The following SSH2 variants were observed in gnomAD, a reference collection of about 807,000 sequenced individuals.
SSH2 encodes the protein slingshot protein phosphatase 2, also known as protein phosphatase Slingshot homolog 2.
In SSH2, 37 loss-of-function variants were observed where a neutral mutation model predicts 135.2. That is an observed-to-expected ratio of 0.27 (90% CI 0.21 to 0.36). The LOEUF is 0.36. SSH2 is among the 10% of genes least tolerant of loss of function. SSH2 has a pLI of 1.00. For synonymous variants in SSH2, 628 were observed against 646.2 expected, an observed-to-expected ratio of 0.97 and a Z score of 0.43; for missense variants, 1,408 against 1,765.3, an observed-to-expected ratio of 0.80 and a Z score of 3.63.
chr17:29,755,062 T>C (rs977120205), intron 3 of SSH2, among the ~76,000 whole-genome samples: 1 of 152,234 alleles, frequency 6.6e-6, no homozygotes, highest in Non-Finnish European at 1.5e-5. Context: ...TAGTATATAA[T>C]GATAACACTA....
At chr17:29,808,913 A>C (rs2151323553) in intron 2 of SSH2, among the ~76,000 whole-genome samples, 1 of 152,296 alleles carries the variant, frequency 6.6e-6, no homozygotes, top group East Asian at 1.9e-4. Context: ...TAGATTTTGT[A>C]AAGTACTATA....
rs1383081032 is a variant in SSH2, at chr17:29,703,023, A to C, written c.228T>G (p.Leu76=). The change falls in exon 4 of 16, where the codon CTT becomes CTG. Residue 76 remains leucine, a synonymous_variant. Coordinates refer to ENST00000540801, the MANE Select transcript of SSH2 (RefSeq NM_001282129.2). ...ATGAGCCATTTCCCCGTGGTAGAAA[A>C]AGGGCAGCACCTTTGACAGTTAGAA... ...ESFLTVKGAA[L]FLPRGNGSST... 3.1e-6 allele frequency: 5 copies of C among 1,613,978 alleles called. No homozygotes were observed. The highest frequency in any genetic ancestry group is 4.2e-6 in the Non-Finnish European group (5 of 1,179,882).
intron 1 of SSH2, among the ~76,000 whole-genome samples, chr17:29,882,549 C>T (rs1282326262): frequency 3.5e-5 from 2 of 57,840 alleles, no homozygotes; most frequent in Non-Finnish European, 1.0e-4. Context: ...GTCAGGAGTT[C>T]GAGACCAGCC....
chr17:29,648,033 T>C, intron 14 of SSH2, 111 bp downstream of exon 14: 4 of 1,069,098 alleles, frequency 3.7e-6, no homozygotes, highest in East Asian at 4.7e-5. Context: ...AAGTCTTTTT[T>C]GAAAAAATAT....
Position 29,631,086 on chromosome 17 carries a change from G to A in SSH2, c.4108C>T (p.Leu1370Phe), listed in dbSNP as rs761374819. The A allele has an allele frequency of 2.7e-5, 43 of 1,614,072 alleles. No homozygotes were observed. Among genetic ancestry groups the A allele is most frequent in the South Asian group, 3.3e-5 (3 of 91,090 alleles). The change falls in exon 16 of 16, where the codon CTT (leucine) becomes TTT (phenylalanine). Residue 1370 changes from leucine (L) to phenylalanine (F), a missense_variant. Leu to Phe is a conservative substitution (Grantham distance 22, BLOSUM62 0). This residue lies in a region of SSH2 where 1,080 missense variants were observed against 1,144.5 expected (regional missense o/e 0.94). Coordinates refer to ENST00000540801, the MANE Select transcript of SSH2 (RefSeq NM_001282129.2). ...IVQSKPVERP[L>F]VQYAKEFGSS... Reference sequence around the variant, plus strand: ...CCAAATTCTTTGGCATACTGCACAAGGGGCCTCTCCACTGGCTTGCTCTGC... The same window carrying A: ...CCAAATTCTTTGGCATACTGCACAAAGGGCCTCTCCACTGGCTTGCTCTGC...
chr17:29,874,019 G>A (rs765928709), intron 1 of SSH2, among the ~76,000 whole-genome samples: 7 of 152,078 alleles, frequency 4.6e-5, no homozygotes, highest in South Asian at 2.1e-4. Flanking sequence ...CAGGCTGGGC[G>A]CAGCAGCTCA....
chr17:29,699,642 G>A (rs1055228180), intron 4 of SSH2, among the ~76,000 whole-genome samples: 1 of 152,152 alleles, frequency 6.6e-6, no homozygotes, highest in South Asian at 2.1e-4. Flanking sequence ...CCAGTGCCAG[G>A]AGCTTTAAAA....
At chr17:29,917,723 C>G (rs763420096) in intron 1 of SSH2, among the ~76,000 whole-genome samples, 1 of 152,080 alleles carries the variant, frequency 6.6e-6, no homozygotes, top group Admixed American at 6.6e-5. Flanking sequence ...GGCATGGTGG[C>G]GGATGCCTGT....
At chr17:29,761,350 T>A in intron 3 of SSH2, 1 of 1,077,446 alleles carries the variant, frequency 9.3e-7, no homozygotes, top group East Asian at 1.1e-4. Context: ...AGGCTGCGCG[T>A]GCACCCGGCG....
chr17:29,691,782 GC>G (rs1017851295), intron 5 of SSH2, among the ~76,000 whole-genome samples: 2 of 151,740 alleles, frequency 1.3e-5, no homozygotes, highest in Non-Finnish European at 2.9e-5. Context: ...GAGCCACTGT[GC>G]CCGGCTTATT....
intron 3 of SSH2, among the ~76,000 whole-genome samples, chr17:29,725,277 G>A (rs1420772380): frequency 5.0e-5 from 5 of 99,386 alleles, no homozygotes; most frequent in Admixed American, 3.5e-4. Flanking sequence ...AACCCAGGAC[G>A]CCGAGGTTGC....
chr17:29,744,492 T>C (rs2040687363), intron 3 of SSH2, among the ~76,000 whole-genome samples: 1 of 152,246 alleles, frequency 6.6e-6, no homozygotes, highest in African/African-American at 2.4e-5. Flanking sequence ...TATATAGTTC[T>C]TGATCTTTAC....
At chr17:29,839,642 G>C (rs1199462671) in intron 2 of SSH2, among the ~76,000 whole-genome samples, 1 of 152,092 alleles carries the variant, frequency 6.6e-6, no homozygotes, top group South Asian at 2.1e-4. Context: ...AATATGTCAG[G>C]TCTCATTTAA....
At chr17:29,778,727 G>A (rs2729443) in intron 3 of SSH2, among the ~76,000 whole-genome samples, 23,943 of 149,018 alleles carry the variant, frequency 0.16, 1,956 homozygotes, top group East Asian at 0.23. Flanking sequence ...CCAGCTACTC[G>A]TGAAGCTGAG....
chr17:29,724,836 C>G (rs2039945866), intron 3 of SSH2, among the ~76,000 whole-genome samples: 1 of 151,516 alleles, frequency 6.6e-6, no homozygotes, highest in African/African-American at 2.4e-5. Context: ...GCAATCCACC[C>G]ACCTCGGCCT....
intron 8 of SSH2, 140 bp from the exon 9 acceptor site, chr17:29,672,269 C>G: frequency 1.7e-6 from 1 of 605,696 alleles, no homozygotes; most frequent in Non-Finnish European, 2.9e-6. Context: ...AGTCAAGATT[C>G]TCCAATTCTG....
intron 11 of SSH2, among the ~76,000 whole-genome samples, chr17:29,659,256 T>C (rs907460326): frequency 5.3e-5 from 8 of 152,334 alleles, no homozygotes; most frequent in African/African-American, 1.7e-4. Flanking sequence ...AAAGGCAGGA[T>C]ACACTTTTGT....
chr17:29,921,714 C>G (rs778657671), intron 1 of SSH2, among the ~76,000 whole-genome samples: 2 of 152,010 alleles, frequency 1.3e-5, no homozygotes, highest in Non-Finnish European at 2.9e-5. Flanking sequence ...GCTGGGATTA[C>G]AGGCATCCAC....
intron 3 of SSH2, among the ~76,000 whole-genome samples, chr17:29,786,871 C>T (rs1262130005): frequency 6.6e-6 from 1 of 152,070 alleles, no homozygotes; most frequent in Admixed American, 6.6e-5. Flanking sequence ...GGGACTGAGC[C>T]CATTACTGTA....
Sources: allele counts gnomAD v4.1 joint callset (sites outside exome capture counted in the v4.1 genomes callset), GRCh38; gene constraint gnomAD v4.1.1; regional missense constraint gnomAD v4.1.1; transcripts MANE v1.5; gene names NCBI Gene and HGNC (gene_info 2026-07-23, HGNC 2026-07-21).